SSBP2: variants seen among roughly 807,000 people sequenced by gnomAD.
SSBP2 encodes the protein single-stranded DNA-binding protein 2.
Under a neutral mutation model 61.8 loss-of-function variants are expected in SSBP2, and 17 were observed. That is an observed-to-expected ratio of 0.28 (90% CI 0.19 to 0.41). SSBP2 has a LOEUF of 0.41. Among genes scored for constraint, SSBP2 ranks in the 10% least tolerant of loss-of-function variants. The probability of loss-of-function intolerance (pLI) is 1.00; values close to 1 mark genes in which losing one functional copy is unlikely to be tolerated. For missense variants in SSBP2, 310 were observed against 458.7 expected (o/e 0.68, Z 2.96); for synonymous variants, 139 against 141.3 (o/e 0.98, Z 0.12).
At chr5:81,676,109 CTTAG>C (rs1289681722) in intron 1 of SSBP2, among the ~76,000 whole-genome samples, 1 of 152,146 alleles carries the variant, frequency 6.6e-6, no homozygotes. Context: ...TGTTCTGCCT[CTTAG>C]TTAATGACAC....
At position 81,425,261 on chromosome 5, in the gene SSBP2, G is replaced by A. The variant is rs868541648; in HGVS notation, c.1056+3324C>T. 3.0e-4 allele frequency among the ~76,000 whole-genome samples: 45 copies of A among 152,032 alleles called. 2 individuals carry two copies. The highest frequency in any genetic ancestry group is 5.2e-4 in the Admixed American group (8 of 15,268). ...ACACTTTAATTCTCACTATATTTCTGTTTAAGTGTCTGTATGATACTTTAT... is the reference window on the plus strand; with the variant it reads ...ACACTTTAATTCTCACTATATTTCTATTTAAGTGTCTGTATGATACTTTAT... On this transcript the variant is annotated intron_variant, in intron 16 of 16. Transcript: ENST00000320672.
chr5:81,651,849 G>C (rs542855613), intron 1 of SSBP2, among the ~76,000 whole-genome samples: 2 of 152,088 alleles, frequency 1.3e-5, no homozygotes, highest in African/African-American at 4.8e-5. Flanking sequence ...CAACTCTACC[G>C]CATGATTCAG....
At chr5:81,509,088 T>C (rs1768398637) in intron 5 of SSBP2, among the ~76,000 whole-genome samples, 1 of 152,194 alleles carries the variant, frequency 6.6e-6, no homozygotes, top group African/African-American at 2.4e-5. Context: ...GAAAAACTAT[T>C]TAGCACCCTT....
chr5:81,530,101 T>C (rs184662970), intron 4 of SSBP2, among the ~76,000 whole-genome samples: 78 of 152,142 alleles, frequency 5.1e-4, no homozygotes, highest in Non-Finnish European at 1.0e-3. Flanking sequence ...TGTAACATTA[T>C]GGTTTTCAAA....
intron 1 of SSBP2, among the ~76,000 whole-genome samples, chr5:81,650,665 CATA>C (rs1749647745): frequency 6.6e-6 from 1 of 152,024 alleles, no homozygotes. Flanking sequence ...CATTTGAAGA[CATA>C]ATAACCTTTC....
intron 1 of SSBP2, among the ~76,000 whole-genome samples, chr5:81,691,053 G>A (rs1174446702): frequency 6.6e-6 from 1 of 151,946 alleles, no homozygotes; most frequent in Non-Finnish European, 1.5e-5. Flanking sequence ...ACCAAAACCT[G>A]TGGGATACAG....
chr5:81,607,830 T>C (rs1256567386), intron 4 of SSBP2, among the ~76,000 whole-genome samples: 5 of 152,316 alleles, frequency 3.3e-5, no homozygotes, highest in East Asian at 1.9e-4. Flanking sequence ...CAAGATACTA[T>C]GTTCACACCA....
At chr5:81,441,660 G>A (rs1367885523) in intron 13 of SSBP2, among the ~76,000 whole-genome samples, 1 of 152,084 alleles carries the variant, frequency 6.6e-6, no homozygotes, top group African/African-American at 2.4e-5. Flanking sequence ...TGAATAAGAT[G>A]GCCTTCTATC....
chr5:81,422,903 G>A (rs1761699959), intron 16 of SSBP2, among the ~76,000 whole-genome samples: 1 of 152,188 alleles, frequency 6.6e-6, no homozygotes, highest in Admixed American at 6.5e-5. Flanking sequence ...CATTTAATAT[G>A]TTTACTCAAT....
chr5:81,545,613 G>A (rs1476041643), intron 4 of SSBP2, among the ~76,000 whole-genome samples: 2 of 152,132 alleles, frequency 1.3e-5, no homozygotes, highest in African/African-American at 4.8e-5. Flanking sequence ...TATACTTGTT[G>A]ATTACATATT....
intron 4 of SSBP2, among the ~76,000 whole-genome samples, chr5:81,521,110 T>C (rs954038835): frequency 5.9e-5 from 9 of 152,034 alleles, no homozygotes; most frequent in African/African-American, 2.2e-4. Context: ...GAGATGTCCT[T>C]TAAAATCAGA....
chr5:81,455,347 C>T (rs1580728688), intron 10 of SSBP2, among the ~76,000 whole-genome samples: 1 of 53,764 alleles, frequency 1.9e-5, no homozygotes, highest in Non-Finnish European at 3.2e-5. Context: ...AGGCCGGGCG[C>T]GGTGGCTCAC....
intron 5 of SSBP2, among the ~76,000 whole-genome samples, chr5:81,497,950 G>C (rs939463657): frequency 1.3e-5 from 2 of 152,088 alleles, no homozygotes; most frequent in Non-Finnish European, 2.9e-5. Flanking sequence ...GCATACACCA[G>C]TCACAAGAAC....
At chr5:81,625,624 C>A (rs57587453) in intron 3 of SSBP2, among the ~76,000 whole-genome samples, 7,809 of 152,074 alleles carry the variant, frequency 0.051, 372 homozygotes, top group African/African-American at 0.12. Flanking sequence ...TTATTAAAAT[C>A]TTCCCCTCAT....
chr5:81,447,247 A>G lies in SSBP2; in HGVS notation c.724-325T>C, dbSNP rs952221857. Among the ~76,000 whole-genome samples the G allele has an allele frequency of 3.3e-5, 5 of 152,230 alleles. No individual in the cohort carries two copies. The South Asian group carries it at 8.3e-4, about 25-fold the overall frequency. On this transcript the variant is annotated intron_variant, in intron 11 of 16. Coordinates refer to ENST00000320672, the MANE Select transcript of SSBP2 (RefSeq NM_012446.5). ...CAAATCCATAAAACAGAAATAATTC[A>G]TATGTATTTTTAGTTTTTATAGAAA...
chr5:81,453,018 G>A lies in SSBP2; in HGVS notation c.688-4193C>T, dbSNP rs543749235. Among the ~76,000 whole-genome samples the A allele has an allele frequency of 9.9e-5, 15 of 152,208 alleles. 1 individual carries two copies. In the South Asian group the frequency reaches 3.1e-3, roughly 32 times the overall value. On this transcript the variant is annotated intron_variant, in intron 10 of 16. Coordinates refer to ENST00000320672, the MANE Select transcript of SSBP2 (RefSeq NM_012446.5). ...GCCAATTAAGAATGGGTGGAGACCA[G>A]GCATGGCAGCTCACACGTGTAATCC...
intron 1 of SSBP2, among the ~76,000 whole-genome samples, chr5:81,666,588 T>C (rs1751157147): frequency 6.6e-6 from 1 of 152,174 alleles, no homozygotes; most frequent in Non-Finnish European, 1.5e-5. Context: ...GGCATAAAAA[T>C]GTAAATTTTT....
intron 3 of SSBP2, among the ~76,000 whole-genome samples, chr5:81,631,874 A>G (rs901324141): frequency 6.6e-6 from 1 of 152,194 alleles, no homozygotes; most frequent in African/African-American, 2.4e-5. Flanking sequence ...ACTGAGACTG[A>G]AAACAACAAA....
At chr5:81,427,889 T>A (rs772295089) in intron 16 of SSBP2, among the ~76,000 whole-genome samples, 1 of 152,168 alleles carries the variant, frequency 6.6e-6, no homozygotes, top group African/African-American at 2.4e-5. Context: ...TTTAAAAAAT[T>A]CCATTGGGGT....
Sources: allele counts gnomAD v4.1 joint callset (sites outside exome capture counted in the v4.1 genomes callset), GRCh38; gene constraint gnomAD v4.1.1; transcripts MANE v1.5; gene names NCBI Gene and HGNC (gene_info 2026-07-23, HGNC 2026-07-21).